Variants in FGF23 observed in about 807,000 individuals in gnomAD.
FGF23 encodes fibroblast growth factor 23.
FGF23 carries 8 observed loss-of-function variants against 9.0 expected under a neutral mutation model. The observed-to-expected ratio is 0.89, with a 90% CI of 0.52 to 1.60. The LOEUF is 1.60. FGF23 is among the 40% of genes most tolerant of loss of function. FGF23 has a pLI of 0.00. For synonymous variants in FGF23, 118 were observed against 146.2 expected (o/e 0.81, Z 1.39); for missense variants, 311 against 344.3 (o/e 0.90, Z 0.77).
At chr12:4,372,449 A>G (rs1865074599) in intron 2 of FGF23, 145 bp downstream of exon 2, 1 of 688,204 alleles carries the variant, frequency 1.5e-6, no homozygotes, top group Non-Finnish European at 2.6e-6. Flanking sequence ...CGTTTAATTC[A>G]TACTTAGACT....
At chr12:4,373,278 C>T (rs1042988202) in intron 1 of FGF23, among the ~76,000 whole-genome samples, 14 of 152,194 alleles carry the variant, frequency 9.2e-5, no homozygotes, top group Non-Finnish European at 1.9e-4. Flanking sequence ...GCTCAGGCGT[C>T]ACCATCTCTA....
At chr12:4,375,226 C>T (rs116418118) in intron 1 of FGF23, among the ~76,000 whole-genome samples, 2,781 of 152,212 alleles carry the variant, frequency 0.018, 84 homozygotes, top group African/African-American at 0.062. Flanking sequence ...CATCACGTGG[C>T]GTGTTCTGAC....
intron 1 of FGF23, among the ~76,000 whole-genome samples, chr12:4,374,637 G>A (rs13312780): frequency 0.015 from 2,160 of 140,094 alleles, 52 homozygotes; most frequent in African/African-American, 0.055. Flanking sequence ...GCGACAGAGC[G>A]AGACTCCGTC....
Position 4,370,071 on chromosome 12 carries a change from A to C in FGF23, c.*272T>G. On this transcript the variant is annotated 3_prime_UTR_variant, in exon 3 of 3. Transcript: ENST00000237837. The stretch of plus-strand genomic sequence containing the variant: ...ATGTTGGGAGAGACCCCTTCTCTCT[A>C]CCTTCATGAAGGGGAAATTTCTAGT... 4.9e-6 allele frequency: 2 copies of C among 409,182 alleles called. No individual in the cohort carries two copies. The highest frequency in any genetic ancestry group is 4.3e-6 in the Non-Finnish European group (1 of 231,296). 25.3% of individuals were successfully genotyped at this position (409,182 alleles called of 1,614,324 possible). A position where few individuals can be genotyped will look rare whatever the true frequency, so the allele number is the denominator to read the frequency against.
Position 4,370,222 on chromosome 12 carries a change from G to A in FGF23, c.*121C>T. Reference sequence around the variant, plus strand: ...CTCCTGTGGAAGGGACCCCAGAGAAGCAGCAAATTCCATACATGCCCCTGT... The same window carrying A: ...CTCCTGTGGAAGGGACCCCAGAGAAACAGCAAATTCCATACATGCCCCTGT... On this transcript the variant is annotated 3_prime_UTR_variant, in exon 3 of 3. Coordinates refer to ENST00000237837, the MANE Select transcript of FGF23 (RefSeq NM_020638.3). 9.7e-7 allele frequency: 1 copy of A among 1,027,032 alleles called. No homozygotes were observed. The highest frequency in any genetic ancestry group is 1.4e-5 in the South Asian group (1 of 73,112). The allele number at this position is 1,027,032 out of a possible 1,614,324, so 63.6% of individuals were successfully genotyped here.
chr12:4,370,684 C>G lies in FGF23; in HGVS notation c.415G>C (p.Gly139Arg), dbSNP rs751688794. 6.2e-7 allele frequency: 1 copy of G among 1,614,118 alleles called. No individual in the cohort carries two copies. The highest frequency in any genetic ancestry group is 2.2e-5 in the East Asian group (1 of 44,876). ...GGCAGGAAGGCTCTCTTCGCCCGGC[C>G]CAGACTGACCAGGAAGTGATACTGA... ...SPQYHFLVSLGRAKRAFLPGM... is the reference protein window; with the variant it reads ...SPQYHFLVSLRRAKRAFLPGM... Residue 139 changes from glycine (G) to arginine (R), a missense_variant, in exon 3 of 3, where the codon GGC (glycine) becomes CGC (arginine). Coordinates refer to ENST00000237837, the MANE Select transcript of FGF23 (RefSeq NM_020638.3).
rs965003003 is a variant in FGF23, at chr12:4,370,791, G to A, written c.316-8C>T. ...CTCCGGGTCGAAATAGTGCTGGAAG[G>A]ACAAGAGCGAACCACGTGAAGGCTG... On this transcript the variant is annotated splice_polypyrimidine_tract_variant and splice_region_variant and intron_variant, in intron 2 of 2. Transcript: ENST00000237837. 3 of 1,613,446 alleles carry A rather than the reference G, an allele frequency of 1.9e-6. No individual in the cohort carries two copies. In the African/African-American group the frequency reaches 4.0e-5, roughly 22 times the overall value.
At position 4,370,144 on chromosome 12, in the gene FGF23, G is replaced by A. The variant is rs1865045222; in HGVS notation, c.*199C>T. 1.7e-6 allele frequency: 1 copy of A among 600,074 alleles called. No individual in the cohort carries two copies. Among genetic ancestry groups the A allele is most frequent in the Non-Finnish European group, 3.0e-6 (1 of 335,426 alleles). 37.2% of individuals were successfully genotyped at this position (600,074 alleles called of 1,614,324 possible). A position where few individuals can be genotyped will look rare whatever the true frequency, so the allele number is the denominator to read the frequency against. ...GGGAAAGGTGTTCTATATGGAGTGA[G>A]GAAGGCGGTGAAACCCCATGACTTG... is the stretch of plus-strand genomic sequence containing the variant. On this transcript the variant is annotated 3_prime_UTR_variant, in exon 3 of 3. Coordinates refer to ENST00000237837, the MANE Select transcript of FGF23 (RefSeq NM_020638.3).
At chr12:4,372,732 G>GT (rs779209368) in intron 1 of FGF23, 35 bp from the exon 2 acceptor site, 8 of 1,380,738 alleles carry the variant, frequency 5.8e-6, no homozygotes, top group South Asian at 1.2e-5. Context: ...AAGACTCATT[G>GT]CCATCCAATT....
At chr12:4,372,777 A>G (rs1243618484) in intron 1 of FGF23, 80 bp from the exon 2 acceptor site, 6 of 882,042 alleles carry the variant, frequency 6.8e-6, no homozygotes, top group African/African-American at 3.3e-5. Flanking sequence ...ACCTACCTTC[A>G]TGAAACCTCC....
chr12:4,372,533 C>T (rs1032151829), intron 2 of FGF23, 61 bp downstream of exon 2: 31 of 1,029,296 alleles, frequency 3.0e-5, no homozygotes, highest in Admixed American at 5.1e-5. Flanking sequence ...AAGTCTATGT[C>T]GTGTCAAAGA....
intron 1 of FGF23, among the ~76,000 whole-genome samples, chr12:4,375,313 G>C (rs1565457357): frequency 6.6e-6 from 1 of 152,176 alleles, no homozygotes; most frequent in Non-Finnish European, 1.5e-5. Context: ...AGTGTGTATG[G>C]CACACACGCT....
chr12:4,379,297 C>T, intron 1 of FGF23, 75 bp downstream of exon 1: 2 of 1,367,404 alleles, frequency 1.5e-6, no homozygotes, highest in Non-Finnish European at 2.1e-6. Flanking sequence ...CCAGTCTAGT[C>T]CCCAACCTCC....
At position 4,368,679 on chromosome 12, in the gene FGF23, A is replaced by G; in HGVS notation, c.*1664T>C. ...TGAGATTACAACTAGTTTTCCACCA[A>G]AATCCTTTTGGGATCTTTCACTGAG... On this transcript the variant is annotated 3_prime_UTR_variant, in exon 3 of 3. Transcript: ENST00000237837. 4.9e-6 allele frequency: 1 copy of G among 204,374 alleles called. No homozygotes were observed. Among genetic ancestry groups the G allele is most frequent in the Non-Finnish European group, 1.0e-5 (1 of 99,738 alleles). The allele number at this position is 204,374 out of a possible 1,614,324, so 12.7% of individuals were successfully genotyped here.
chr12:4,372,464 G>C, intron 2 of FGF23, 130 bp downstream of exon 2: 1 of 709,426 alleles, frequency 1.4e-6, no homozygotes, highest in Non-Finnish European at 2.6e-6. Context: ...TAGACTGCAT[G>C]AAGTATCAGT....
rs1865027229 is a variant in FGF23 at position 4,368,371 on chromosome 12, A to C, written c.*1972T>G. On this transcript the variant is annotated 3_prime_UTR_variant, in exon 3 of 3. Coordinates refer to ENST00000237837, the MANE Select transcript of FGF23 (RefSeq NM_020638.3). ...AATTTTGCCTTCTCTGGATTTCCCT[A>C]ATGTTCCCCTCCCATAATCCTTTTT... 5.5e-6 allele frequency: 1 copy of C among 180,712 alleles called. No individual in the cohort carries two copies. Among genetic ancestry groups the C allele is most frequent in the Non-Finnish European group, 1.2e-5 (1 of 84,646 alleles). 11.2% of individuals were successfully genotyped at this position (180,712 alleles called of 1,614,324 possible).
chr12:4,379,235 A>C, intron 1 of FGF23, 137 bp downstream of exon 1: 1 of 771,128 alleles, frequency 1.3e-6, no homozygotes, highest in Non-Finnish European at 2.3e-6. Flanking sequence ...ACACACACAC[A>C]AAGACAATAA....
At chr12:4,375,016 G>A (rs539823192) in intron 1 of FGF23, among the ~76,000 whole-genome samples, 3 of 152,248 alleles carry the variant, frequency 2.0e-5, no homozygotes, top group South Asian at 2.1e-4. Context: ...CTAAGGGCTC[G>A]GGGAAGGGGC....
intron 1 of FGF23, among the ~76,000 whole-genome samples, chr12:4,377,217 A>G (rs1591674622): frequency 6.6e-6 from 1 of 151,560 alleles, no homozygotes; most frequent in South Asian, 2.1e-4. Flanking sequence ...CTTCACACTC[A>G]CTCCCCACCG....
Sources: allele counts gnomAD v4.1 joint callset (sites outside exome capture counted in the v4.1 genomes callset), GRCh38; gene constraint gnomAD v4.1.1; transcripts MANE v1.5; gene names NCBI Gene and HGNC (gene_info 2026-07-23, HGNC 2026-07-21).